ORC1: variants seen among roughly 807,000 people sequenced by gnomAD.
ORC1 encodes origin recognition complex subunit 1.
ORC1 carries 61 observed loss-of-function variants against 98.9 expected under a neutral mutation model. That is an observed-to-expected ratio of 0.62 (90% CI 0.50 to 0.76). The LOEUF (loss-of-function observed/expected upper bound fraction) is 0.76. Ranked by LOEUF, ORC1 falls within the 30% of genes least tolerant of loss-of-function variation. The probability of loss-of-function intolerance (pLI) is 0.00; values close to 1 mark genes in which losing one functional copy is unlikely to be tolerated. For missense variants in ORC1, 979 were observed against 1,072.2 expected (o/e 0.91, Z 1.21); for synonymous variants, 385 against 406.9 (o/e 0.95, Z 0.65).
chr1:52,375,531 C>G lies in ORC1; in HGVS notation c.2202G>C (p.Glu734Asp). Residue 734 changes from glutamate to aspartate, a missense_variant, in exon 15 of 17, where the codon GAG (glutamate) becomes GAC (aspartate). Coordinates refer to ENST00000371568, the MANE Select transcript of ORC1 (RefSeq NM_004153.4). Reference protein sequence around the residue: ...DICRRATEICEFSQQKPDSPG... With the variant: ...DICRRATEICDFSQQKPDSPG... Reference sequence around the variant, plus strand: ...GGGAGTCAGGCTTCTGCTGGGAGAACTCACAGATCTCTGTGGCACGCCTGC... The same window carrying G: ...GGGAGTCAGGCTTCTGCTGGGAGAAGTCACAGATCTCTGTGGCACGCCTGC... The G allele has an allele frequency of 1.2e-6, 2 of 1,614,174 alleles. No homozygotes were observed. The highest frequency in any genetic ancestry group is 1.3e-5 in the African/African-American group (1 of 75,050).
chr1:52,384,450 A>C, intron 11 of ORC1, 100 bp downstream of exon 11: 1 of 1,046,994 alleles, frequency 9.6e-7, no homozygotes, highest in Non-Finnish European at 1.5e-6. Context: ...TGCCTGGTAT[A>C]TCATGAACAT....
At position 52,393,589 on chromosome 1, in the gene ORC1, A is replaced by G. The variant is rs763471770; in HGVS notation, c.936T>C (p.Pro312=). The G allele has an allele frequency of 2.5e-6, 4 of 1,614,210 alleles. No individual in the cohort carries two copies. Among genetic ancestry groups the G allele is most frequent in the South Asian group, 1.1e-5 (1 of 91,090 alleles). ...SYTEDDKKAS[P]EHRIILRTRI... is the part of the protein sequence containing the mutation. ...GGGTTCTCAGGATTATGCGATGTTC[A>G]GGTGAAGCCTTCTTGTCATCCTCAG... Residue 312 remains proline (P), a synonymous_variant, in exon 6 of 17, where the codon CCT becomes CCC. Coordinates refer to ENST00000371568, the MANE Select transcript of ORC1 (RefSeq NM_004153.4).
intron 8 of ORC1, among the ~76,000 whole-genome samples, chr1:52,387,221 G>A (rs1420003340): frequency 1.3e-5 from 2 of 152,140 alleles, no homozygotes; most frequent in Admixed American, 6.5e-5. Context: ...TCTGCTAGAG[G>A]AGCAGAGGCA....
chr1:52,384,664 C>A lies in ORC1; in HGVS notation c.1641G>T (p.Val547=). The change falls in exon 11 of 17, where the codon GTG becomes GTT. Residue 547 remains valine, a synonymous_variant. Transcript: ENST00000371568. ...GTGKTATVHE[V]IRCLQQAAQA... is the part of the protein sequence containing the mutation. The stretch of plus-strand genomic sequence containing the variant: ...GGGCTGCCTGCTGCAGGCAGCGTAT[C>A]ACTTCATGAACAGTGGCAGTCTTCC... 1 of 1,613,898 alleles carries A rather than the reference C, an allele frequency of 6.2e-7. No homozygotes were observed. Among genetic ancestry groups the A allele is most frequent in the African/African-American group, 1.3e-5 (1 of 74,996 alleles).
At chr1:52,386,852 G>C (rs1164250379) in intron 8 of ORC1, among the ~76,000 whole-genome samples, 1 of 152,138 alleles carries the variant, frequency 6.6e-6, no homozygotes, top group African/African-American at 2.4e-5. Flanking sequence ...TTGGGAGGCT[G>C]AGGTGGAAGG....
chr1:52,381,539 C>T, intron 14 of ORC1, 103 bp downstream of exon 14: 8 of 1,244,028 alleles, frequency 6.4e-6, no homozygotes, highest in Non-Finnish European at 1.1e-6. Context: ...ACACGACTTT[C>T]TAAATTTCTC....
upstream of ORC1, chr1:52,408,612 A>G: frequency 6.2e-7 from 1 of 1,614,240 alleles, no homozygotes; most frequent in Non-Finnish European, 8.5e-7. Context: ...GCTGACAGGC[A>G]CTGCAATTGA....
Position 52,378,173 on chromosome 1 carries a change from C to T in ORC1, c.2134-2574G>A, listed in dbSNP as rs140992858. On this transcript the variant is annotated intron_variant, in intron 14 of 16. Transcript: ENST00000371568. Reference sequence around the variant, plus strand: ...CATCCTGGCTAACATGGTGAAACCCCGTCTCTACTAAAAATACAAAAAATT... The same window carrying T: ...CATCCTGGCTAACATGGTGAAACCCTGTCTCTACTAAAAATACAAAAAATT... Among the ~76,000 whole-genome samples, 721 of 152,042 alleles carry T rather than the reference C, an allele frequency of 4.7e-3. 8 individuals carry two copies. Among genetic ancestry groups the T allele is most frequent in the African/African-American group, 0.016 (675 of 41,466 alleles).
At position 52,384,613 on chromosome 1, in the gene ORC1, T is replaced by C. The variant is rs3087487; in HGVS notation, c.1692A>G (p.Gln564=). 6.8e-6 allele frequency: 11 copies of C among 1,613,900 alleles called. No homozygotes were observed. The highest frequency in any genetic ancestry group is 2.7e-5 in the African/African-American group (2 of 74,896). Residue 564 remains glutamine, a synonymous_variant, in exon 11 of 17, where the codon CAA becomes CAG. Transcript: ENST00000371568. ...AAQANDVPPF[Q]YIEVNGMKLT... is the part of the protein sequence containing the mutation. ...GCTTCATGCCATTGACCTCAATGTA[T>C]TGAAAGGGAGGAACATCATTGGCTT... is the stretch of plus-strand genomic sequence containing the variant.
At chr1:52,376,242 C>A (rs1192791378) in intron 14 of ORC1, among the ~76,000 whole-genome samples, 1 of 152,100 alleles carries the variant, frequency 6.6e-6, no homozygotes, top group East Asian at 1.9e-4. Context: ...GTCTGGGGCG[C>A]GGTGGGTCAC....
chr1:52,384,547 T>G lies in ORC1; in HGVS notation c.1755+3A>C. ...TCCAAAAAGCCTAAACAGCTCTGCT[T>G]ACCTGCAAGATTTGCACATAGACTT... On this transcript the variant is annotated splice_donor_region_variant and intron_variant, in intron 11 of 16. Transcript: ENST00000371568. The G allele has an allele frequency of 1.2e-6, 2 of 1,613,934 alleles. No homozygotes were observed. Among genetic ancestry groups the G allele is most frequent in the Non-Finnish European group, 1.7e-6 (2 of 1,179,900 alleles).
chr1:52,398,340 T>G (rs2147943611), intron 3 of ORC1, among the ~76,000 whole-genome samples: 1 of 151,956 alleles, frequency 6.6e-6, no homozygotes, highest in Middle Eastern at 3.4e-3. Flanking sequence ...CTCGGCTCAC[T>G]GCAACCTCTG....
chr1:52,388,638 C>T lies in ORC1; in HGVS notation c.1188-1G>A. 3 of 1,612,214 alleles carry T rather than the reference C, an allele frequency of 1.9e-6. No homozygotes were observed. Among genetic ancestry groups the T allele is most frequent in the Non-Finnish European group, 2.5e-6 (3 of 1,178,704 alleles). ...GTCACTTTTACTATTACCTAGAAAC[C>T]TGAATGGTAGGGACATATTTTTTGA... On this transcript the variant is annotated splice_acceptor_variant, in intron 7 of 16. Transcript: ENST00000371568. LOFTEE classifies it high-confidence loss of function.
intron 2 of ORC1, 114 bp downstream of exon 2, chr1:52,402,015 A>C: frequency 1.2e-6 from 1 of 822,968 alleles, no homozygotes; most frequent in African/African-American, 1.7e-5. Flanking sequence ...AATCAGTTCT[A>C]ATCTCCTGTT....
Position 52,381,683 on chromosome 1 carries a change from T to C in ORC1, c.2092A>G (p.Lys698Glu). Residue 698 changes from lysine to glutamate, a missense_variant, in exon 14 of 17, where the codon AAG (lysine) becomes GAG (glutamate). Lys to Glu is a moderately conservative substitution (Grantham distance 56). Coordinates refer to ENST00000371568, the MANE Select transcript of ORC1 (RefSeq NM_004153.4). Reference protein sequence around the residue: ...QILRSRLKHLKAFEDDAIQLV... With the variant: ...QILRSRLKHLEAFEDDAIQLV... ...TGGATGGCATCATCTTCAAAGGCCT[T>C]TAGATGCTTGAGCCGGGACCTTAGG... is the stretch of plus-strand genomic sequence containing the variant. 17 of 1,613,292 alleles carry C rather than the reference T, an allele frequency of 1.1e-5. No homozygotes were observed. The highest frequency in any genetic ancestry group is 1.4e-5 in the Non-Finnish European group (17 of 1,179,760).
Position 52,393,478 on chromosome 1 carries a change from T to C in ORC1, c.1047A>G (p.Pro349=), listed in dbSNP as rs2147937479. ...TGTTTTCTGGTTTCAGAATCACGGA[T>C]GGCACCACTGAAGATCTCTGTCCCC... is the stretch of plus-strand genomic sequence containing the variant. ...ISGGQRSSVV[P]SVILKPENIK... Residue 349 remains proline, a synonymous_variant, in exon 6 of 17, where the codon CCA becomes CCG. Coordinates refer to ENST00000371568, the MANE Select transcript of ORC1 (RefSeq NM_004153.4). 1 of 1,614,216 alleles carries C rather than the reference T, an allele frequency of 6.2e-7. No individual in the cohort carries two copies. Among genetic ancestry groups the C allele is most frequent in the Middle Eastern group, 1.6e-4 (1 of 6,062 alleles).
chr1:52,392,076 A>G (rs781672863), intron 6 of ORC1, among the ~76,000 whole-genome samples: 3 of 152,150 alleles, frequency 2.0e-5, no homozygotes, highest in Non-Finnish European at 4.4e-5. Context: ...TAGAATGGCC[A>G]TAATTTAAAA....
chr1:52,404,848 G>C, upstream of ORC1: 1 of 1,614,254 alleles, frequency 6.2e-7, no homozygotes. Context: ...ATGAGTCCAA[G>C]TACTGGAAAG....
chr1:52,383,683 A>T (rs1647103721), intron 12 of ORC1, 114 bp from the exon 13 acceptor site: 1 of 1,371,510 alleles, frequency 7.3e-7, no homozygotes, highest in Admixed American at 1.8e-5. Flanking sequence ...CATAGCACCA[A>T]AACAATCCAT....
Sources: allele counts gnomAD v4.1 joint callset (sites outside exome capture counted in the v4.1 genomes callset), GRCh38; gene constraint gnomAD v4.1.1; transcripts MANE v1.5; gene names NCBI Gene and HGNC (gene_info 2026-07-23, HGNC 2026-07-21).